Variants in CNBD1 observed in about 807,000 individuals in gnomAD.
CNBD1 encodes the protein cyclic nucleotide binding domain containing 1, also known as cyclic nucleotide-binding domain-containing protein 1.
In CNBD1, 71 loss-of-function variants were observed where a neutral mutation model predicts 54.4. That is an observed-to-expected ratio of 1.30 (90% CI 1.08 to 1.59). The LOEUF (loss-of-function observed/expected upper bound fraction) is 1.59, where lower values mean the gene tolerates loss of function less well. Among genes scored for constraint, CNBD1 ranks in the 40% most tolerant of loss-of-function variants. CNBD1 has a pLI of 0.00. For synonymous variants in CNBD1, 182 were observed against 170.7 expected, an observed-to-expected ratio of 1.07 and a Z score of -0.51; for missense variants, 659 against 518.0, an observed-to-expected ratio of 1.27 and a Z score of -2.64.
intron 8 of CNBD1, among the ~76,000 whole-genome samples, chr8:87,288,684 A>G (rs1468131916): frequency 6.6e-6 from 1 of 152,078 alleles, no homozygotes; most frequent in Non-Finnish European, 1.5e-5. Context: ...TTTTTTGTAA[A>G]TATCTTGAAA....
intron 8 of CNBD1, among the ~76,000 whole-genome samples, chr8:87,332,659 A>T (rs1272223344): frequency 6.6e-6 from 1 of 151,884 alleles, no homozygotes; most frequent in African/African-American, 2.4e-5. Flanking sequence ...GCTTGATTTT[A>T]TTAGGTTTGT....
chr8:87,292,277 G>A (rs188605853), intron 8 of CNBD1, among the ~76,000 whole-genome samples: 1 of 152,142 alleles, frequency 6.6e-6, no homozygotes, highest in Non-Finnish European at 1.5e-5. Context: ...GAGAATAAAG[G>A]CAATTTGGAT....
At chr8:87,334,242 T>A (rs912825462) in intron 8 of CNBD1, among the ~76,000 whole-genome samples, 2 of 152,236 alleles carry the variant, frequency 1.3e-5, no homozygotes, top group East Asian at 3.9e-4. Context: ...TTTATCAATT[T>A]TTATTGTGTC....
intron 4 of CNBD1, among the ~76,000 whole-genome samples, chr8:86,973,356 T>G (rs192097891): frequency 2.8e-4 from 43 of 152,334 alleles, no homozygotes; most frequent in Non-Finnish European, 2.9e-5. Flanking sequence ...TTATATAGAA[T>G]TTTCTCATAG....
chr8:86,907,394 G>T (rs1420565225), intron 3 of CNBD1, among the ~76,000 whole-genome samples: 1 of 152,060 alleles, frequency 6.6e-6, no homozygotes, highest in Non-Finnish European at 1.5e-5. Context: ...GGGGCCGGGC[G>T]TGGTGGCTCA....
rs553231702 is a variant in CNBD1, at chr8:86,976,445, G to A, written c.431+36691G>A. Among the ~76,000 whole-genome samples the A allele has an allele frequency of 1.1e-4, 16 of 151,946 alleles. No individual in the cohort carries two copies. In the South Asian group the frequency reaches 3.3e-3, roughly 32 times the overall value. ...AGGGTTCAACTTTATTATTCTGCAT[G>A]TGGATATCCAGTTTTCTAAACACCA... On this transcript the variant is annotated intron_variant, in intron 4 of 10. Transcript: ENST00000518476.
intron 6 of CNBD1, among the ~76,000 whole-genome samples, chr8:87,248,394 C>T (rs1408334581): frequency 6.6e-6 from 1 of 152,208 alleles, no homozygotes; most frequent in African/African-American, 2.4e-5. Context: ...TAAAAGACTT[C>T]CTAGCTTTAG....
intron 4 of CNBD1, among the ~76,000 whole-genome samples, chr8:86,949,810 C>G (rs978652283): frequency 6.6e-6 from 1 of 151,760 alleles, no homozygotes; most frequent in African/African-American, 2.4e-5. Context: ...AGAGAAAAAG[C>G]TTCACTTTTT....
At chr8:87,298,720 G>A (rs1456004860) in intron 8 of CNBD1, among the ~76,000 whole-genome samples, 5 of 151,672 alleles carry the variant, frequency 3.3e-5, no homozygotes, top group African/African-American at 1.2e-4. Context: ...TCCTGACCTT[G>A]TGATTTGCCT....
At chr8:87,021,200 G>C (rs192971844) in intron 4 of CNBD1, among the ~76,000 whole-genome samples, 20 of 152,186 alleles carry the variant, frequency 1.3e-4, no homozygotes, top group Admixed American at 1.3e-3. Context: ...CATGGGCCAT[G>C]GTCACTCATA....
At chr8:87,337,471 A>G (rs1423176871) in intron 8 of CNBD1, among the ~76,000 whole-genome samples, 7 of 152,152 alleles carry the variant, frequency 4.6e-5, no homozygotes, top group Non-Finnish European at 1.5e-5. Flanking sequence ...AGGAGCTCAG[A>G]TGGCTTAGAC....
At chr8:87,171,350 T>G (rs1813081585) in intron 4 of CNBD1, among the ~76,000 whole-genome samples, 1 of 152,166 alleles carries the variant, frequency 6.6e-6, no homozygotes, top group Admixed American at 6.6e-5. Flanking sequence ...TTTGAATTTC[T>G]GTGGTATTGG....
intron 8 of CNBD1, among the ~76,000 whole-genome samples, chr8:87,342,826 A>T (rs1041857636): frequency 6.6e-6 from 1 of 152,132 alleles, no homozygotes. Flanking sequence ...AGAATTACTG[A>T]TGAGGGTCCA....
At chr8:87,137,264 T>A (rs1812275084) in intron 4 of CNBD1, among the ~76,000 whole-genome samples, 1 of 149,870 alleles carries the variant, frequency 6.7e-6, no homozygotes, top group Admixed American at 6.7e-5. Context: ...TGGCTCTATC[T>A]TGGCTAACTG....
At chr8:86,931,679 C>T (rs1809460450) in intron 3 of CNBD1, among the ~76,000 whole-genome samples, 1 of 152,074 alleles carries the variant, frequency 6.6e-6, no homozygotes, top group Non-Finnish European at 1.5e-5. Context: ...ACCAAGGTTG[C>T]CAGGTTTAAT....
At position 87,381,297 on chromosome 8, in the gene CNBD1, C is replaced by G. The variant is rs144518242; in HGVS notation, c.1304-1323C>G. 3.0e-3 allele frequency among the ~76,000 whole-genome samples: 458 copies of G among 151,976 alleles called. 5 individuals carry two copies. The highest frequency in any genetic ancestry group is 9.9e-3 in the African/African-American group (411 of 41,404). On this transcript the variant is annotated intron_variant, in intron 10 of 10. Transcript: ENST00000518476. ...TGTATTTTTAAAATGTCCAATGCCA[C>G]TAACAGGAAAATGCAAACAAAACCA...
At chr8:87,358,028 TG>T (rs1284150049) in intron 10 of CNBD1, among the ~76,000 whole-genome samples, 1 of 152,188 alleles carries the variant, frequency 6.6e-6, no homozygotes, top group Non-Finnish European at 1.5e-5. Flanking sequence ...TCTCTCCATG[TG>T]ACATGCCTGC....
intron 4 of CNBD1, among the ~76,000 whole-genome samples, chr8:87,003,820 G>A (rs1809041090): frequency 1.3e-5 from 2 of 152,168 alleles, no homozygotes; most frequent in Admixed American, 6.6e-5. Flanking sequence ...TGGGACAAAT[G>A]TCAACTGGGA....
intron 5 of CNBD1, among the ~76,000 whole-genome samples, chr8:87,220,822 A>G (rs1380749869): frequency 6.6e-6 from 1 of 151,142 alleles, no homozygotes; most frequent in Non-Finnish European, 1.5e-5. Context: ...CAGATTTCTA[A>G]AGTTAAAAGT....
Sources: allele counts gnomAD v4.1 joint callset (sites outside exome capture counted in the v4.1 genomes callset), GRCh38; gene constraint gnomAD v4.1.1; transcripts MANE v1.5; gene names NCBI Gene and HGNC (gene_info 2026-07-23, HGNC 2026-07-21).